The following PSD3 variants were observed in gnomAD, a reference collection of about 807,000 sequenced individuals.
PSD3 encodes the protein PH and SEC7 domain-containing protein 3.
In PSD3, 49 loss-of-function variants were observed where a neutral mutation model predicts 105.5. The ratio of observed to expected loss-of-function variants is 0.46; its 90% CI spans 0.37 to 0.59. PSD3 has a LOEUF of 0.59. PSD3 is among the 20% of genes least tolerant of loss of function. The probability of loss-of-function intolerance (pLI) is 0.00; values close to 1 mark genes in which losing one functional copy is unlikely to be tolerated. For missense variants in PSD3, 1,561 were observed against 1,263.8 expected, an observed-to-expected ratio of 1.24 and a Z score of -3.57; for synonymous variants, 557 against 457.8, an observed-to-expected ratio of 1.22 and a Z score of -2.77.
intron 9 of PSD3, among the ~76,000 whole-genome samples, chr8:18,717,380 G>C (rs1224842332): frequency 6.6e-6 from 1 of 152,080 alleles, no homozygotes; most frequent in African/African-American, 2.4e-5. Context: ...TACATGCCTA[G>C]TTTAGCAACT....
At chr8:18,915,108 A>C (rs1375380734) in intron 2 of PSD3, among the ~76,000 whole-genome samples, 1 of 152,146 alleles carries the variant, frequency 6.6e-6, no homozygotes, top group Admixed American at 6.5e-5. Context: ...AAAGAACATC[A>C]ATGAACAGTG....
intron 10 of PSD3, 29 bp downstream of exon 10, chr8:18,655,613 A>T (rs1489860894): frequency 1.4e-5 from 22 of 1,608,334 alleles, no homozygotes; most frequent in Non-Finnish European, 1.4e-5. Context: ...GTAGTTCATT[A>T]TTAAAAGGCT....
At chr8:18,705,424 G>C (rs1024523107) in intron 9 of PSD3, among the ~76,000 whole-genome samples, 1 of 150,840 alleles carries the variant, frequency 6.6e-6, no homozygotes, top group Non-Finnish European at 1.5e-5. Flanking sequence ...TTAGCTACTT[G>C]GGAGGCTGAG....
At chr8:18,606,501 G>C (rs995022207) in intron 11 of PSD3, among the ~76,000 whole-genome samples, 1 of 152,124 alleles carries the variant, frequency 6.6e-6, no homozygotes, top group African/African-American at 2.4e-5. Flanking sequence ...TTTATTATGG[G>C]AGAGTTTCAG....
At chr8:18,776,604 C>T (rs1808116711) in intron 8 of PSD3, among the ~76,000 whole-genome samples, 2 of 152,030 alleles carry the variant, frequency 1.3e-5, no homozygotes, top group Non-Finnish European at 1.5e-5. Flanking sequence ...TCTCGAACTT[C>T]TGACCTCGTG....
chr8:18,688,687 A>C (rs936999274), intron 9 of PSD3, among the ~76,000 whole-genome samples: 3 of 152,200 alleles, frequency 2.0e-5, no homozygotes, highest in African/African-American at 7.2e-5. Flanking sequence ...TATCACCCAC[A>C]ATCATGGTGT....
At chr8:18,742,800 A>G (rs530867231) in intron 9 of PSD3, among the ~76,000 whole-genome samples, 1 of 152,322 alleles carries the variant, frequency 6.6e-6, no homozygotes, top group East Asian at 1.9e-4. Flanking sequence ...ATTTTTCATA[A>G]AGACAAAGAG....
intron 9 of PSD3, among the ~76,000 whole-genome samples, chr8:18,678,992 G>T (rs1303362651): frequency 1.7e-5 from 2 of 114,648 alleles, no homozygotes; most frequent in Admixed American, 1.6e-4. Flanking sequence ...GGTTAAAAAT[G>T]TACTCCTTCA....
chr8:18,701,222 A>G (rs76312500), intron 9 of PSD3, among the ~76,000 whole-genome samples: 1,974 of 150,656 alleles, frequency 0.013, 40 homozygotes, highest in African/African-American at 0.039. Flanking sequence ...TTCCTGCCTT[A>G]ACTTCCCCAA....
chr8:18,821,712 CA>C (rs1228703173), intron 4 of PSD3, among the ~76,000 whole-genome samples: 18 of 141,902 alleles, frequency 1.3e-4, no homozygotes, highest in African/African-American at 3.9e-4. Flanking sequence ...CACACACACA[CA>C]CACACCCCAA....
chr8:18,827,337 G>T (rs765576604), intron 4 of PSD3, among the ~76,000 whole-genome samples: 1 of 152,184 alleles, frequency 6.6e-6, no homozygotes, highest in Admixed American at 6.5e-5. Flanking sequence ...ACCAGGGATA[G>T]GTCACAGAAG....
chr8:18,557,298 A>G (rs1037295446), intron 14 of PSD3, among the ~76,000 whole-genome samples: 3 of 152,250 alleles, frequency 2.0e-5, no homozygotes, highest in African/African-American at 4.8e-5. Flanking sequence ...TGTATTTTAT[A>G]TAACACCAAC....
intron 1 of PSD3, among the ~76,000 whole-genome samples, chr8:18,975,904 A>G (rs1363790603): frequency 6.6e-6 from 1 of 152,352 alleles, no homozygotes. Flanking sequence ...GCACCCTGAC[A>G]TACCCTGATG....
At chr8:18,626,068 C>T (rs1247802589) in intron 11 of PSD3, among the ~76,000 whole-genome samples, 1 of 152,002 alleles carries the variant, frequency 6.6e-6, no homozygotes, top group Non-Finnish European at 1.5e-5. Context: ...TCAAAGCTTT[C>T]CCTTAATGTC....
chr8:18,557,217 A>G (rs962505035), intron 14 of PSD3, among the ~76,000 whole-genome samples: 1 of 152,240 alleles, frequency 6.6e-6, no homozygotes, highest in Non-Finnish European at 1.5e-5. Context: ...CAAATTATCC[A>G]AATTTCACAG....
At chr8:18,886,138 A>C (rs1295604477) in intron 2 of PSD3, among the ~76,000 whole-genome samples, 1 of 152,156 alleles carries the variant, frequency 6.6e-6, no homozygotes, top group Non-Finnish European at 1.5e-5. Context: ...AATATATCAC[A>C]AACAGGGAGC....
At chr8:19,073,821 C>T (rs1044564981) in intron 1 of PSD3, among the ~76,000 whole-genome samples, 4 of 150,768 alleles carry the variant, frequency 2.7e-5, no homozygotes, top group African/African-American at 7.3e-5. Flanking sequence ...GACAGAATCT[C>T]GCTCTGTCGC....
intron 9 of PSD3, among the ~76,000 whole-genome samples, chr8:18,754,324 C>T (rs943754580): frequency 1.4e-4 from 21 of 152,068 alleles, no homozygotes; most frequent in Admixed American, 6.6e-4. Context: ...GCACAGGTTG[C>T]GGTGAGCTGA....
chr8:18,921,899 C>A (rs1821046248), intron 2 of PSD3, among the ~76,000 whole-genome samples: 1 of 152,182 alleles, frequency 6.6e-6, no homozygotes, highest in African/African-American at 2.4e-5. Context: ...TGCCAAGGCA[C>A]ACTCAGTGTT....
Sources: allele counts gnomAD v4.1 joint callset (sites outside exome capture counted in the v4.1 genomes callset), GRCh38; gene constraint gnomAD v4.1.1; transcripts MANE v1.5; gene names NCBI Gene and HGNC (gene_info 2026-07-23, HGNC 2026-07-21).